Variants in MYO1E observed in about 807,000 individuals in gnomAD.
MYO1E encodes myosin IE.
Under a neutral mutation model 151.1 loss-of-function variants are expected in MYO1E, and 68 were observed. The observed-to-expected ratio is 0.45, with a 90% CI of 0.37 to 0.55. The LOEUF (loss-of-function observed/expected upper bound fraction) is 0.55. Ranked by LOEUF, MYO1E falls within the 20% of genes least tolerant of loss-of-function variation. The pLI, the probability that MYO1E is intolerant of heterozygous loss-of-function variation, is 0.00. For synonymous variants in MYO1E, 601 were observed against 501.7 expected (o/e 1.20, Z -2.64); for missense variants, 1,363 against 1,389.3 (o/e 0.98, Z 0.30).
At chr15:59,351,732 T>C (rs1266067318) in intron 1 of MYO1E, among the ~76,000 whole-genome samples, 5 of 100,444 alleles carry the variant, frequency 5.0e-5, no homozygotes, top group African/African-American at 1.2e-4. Flanking sequence ...GAAGATATAC[T>C]CACAGGACGT....
chr15:59,314,621 A>AT (rs1364134948), intron 1 of MYO1E, among the ~76,000 whole-genome samples: 2 of 151,514 alleles, frequency 1.3e-5, no homozygotes, highest in East Asian at 3.9e-4. Context: ...CAACCCAGTG[A>AT]TTTTCACTCC....
At chr15:59,241,152 C>T (rs1226703538) in intron 4 of MYO1E, among the ~76,000 whole-genome samples, 1 of 152,112 alleles carries the variant, frequency 6.6e-6, no homozygotes, top group African/African-American at 2.4e-5. Context: ...ATGTCAGGGG[C>T]TGGGATGAAG....
intron 18 of MYO1E, 64 bp from the exon 19 acceptor site, chr15:59,178,601 G>C: frequency 6.3e-7 from 1 of 1,579,134 alleles, no homozygotes; most frequent in Non-Finnish European, 8.6e-7. Flanking sequence ...TTCTACCCGG[G>C]CAAGGCAGCA....
chr15:59,158,407 C>A (rs2079520301), intron 24 of MYO1E, 28 bp from the exon 25 acceptor site: 5 of 1,523,208 alleles, frequency 3.3e-6, no homozygotes, highest in Non-Finnish European at 4.5e-6. Flanking sequence ...AAGTTAAAAC[C>A]AGTGCTACTG....
chr15:59,179,905 G>A lies in MYO1E; in HGVS notation c.1905-1368C>T, dbSNP rs1048311067. On this transcript the variant is annotated intron_variant, in intron 18 of 27. Coordinates refer to ENST00000288235, the MANE Select transcript of MYO1E (RefSeq NM_004998.4). ...TGAAGTTGGAGGGCGTGGCCCACGTGAGAGCACATCCAGGGCCCAGGCAAT... is the reference window on the plus strand; with the variant it reads ...TGAAGTTGGAGGGCGTGGCCCACGTAAGAGCACATCCAGGGCCCAGGCAAT... Among the ~76,000 whole-genome samples the A allele has an allele frequency of 1.1e-4, 17 of 152,366 alleles. No homozygotes were observed. The South Asian group carries it at 1.7e-3, about 15-fold the overall frequency.
chr15:59,181,925 A>G (rs1251465245), intron 18 of MYO1E, among the ~76,000 whole-genome samples: 1 of 152,214 alleles, frequency 6.6e-6, no homozygotes, highest in Non-Finnish European at 1.5e-5. Context: ...TAGAGAAAAT[A>G]AAGTTATGAG....
chr15:59,168,220 A>G (rs1389994946), intron 22 of MYO1E, among the ~76,000 whole-genome samples: 1 of 152,140 alleles, frequency 6.6e-6, no homozygotes, highest in Non-Finnish European at 1.5e-5. Flanking sequence ...TTAGAAAAAC[A>G]TTTTATTATG....
At chr15:59,289,389 G>A (rs2080406163) in intron 1 of MYO1E, among the ~76,000 whole-genome samples, 1 of 152,068 alleles carries the variant, frequency 6.6e-6, no homozygotes, top group Admixed American at 6.5e-5. Flanking sequence ...AGGAGACTGG[G>A]GTCCATCCAA....
chr15:59,136,623 T>C lies in MYO1E; in HGVS notation c.*757A>G. On this transcript the variant is annotated 3_prime_UTR_variant, in exon 28 of 28. Transcript: ENST00000288235. ...TCTCAAGATTTTTATATATACAGTA[T>C]ATGATCTGTTTTTATAAATGTACAG... The C allele has an allele frequency of 2.2e-6, 1 of 452,690 alleles. No homozygotes were observed. Among genetic ancestry groups the C allele is most frequent in the Non-Finnish European group, 4.5e-6 (1 of 224,598 alleles). The allele number at this position is 452,690 out of a possible 1,614,324, so 28.0% of individuals were successfully genotyped here.
chr15:59,140,759 A>T (rs932041902), intron 26 of MYO1E, among the ~76,000 whole-genome samples: 19 of 152,254 alleles, frequency 1.2e-4, no homozygotes, highest in Non-Finnish European at 2.1e-4. Context: ...GGGAACACTG[A>T]CTGCCAGCAG....
intron 1 of MYO1E, among the ~76,000 whole-genome samples, chr15:59,333,872 ACTT>A (rs1366693894): frequency 6.6e-6 from 1 of 152,258 alleles, no homozygotes; most frequent in Non-Finnish European, 1.5e-5. Flanking sequence ...GGAAAGAGCT[ACTT>A]CTTCCTCTGA....
At chr15:59,160,075 G>A (rs2140310026) in intron 24 of MYO1E, among the ~76,000 whole-genome samples, 1 of 152,178 alleles carries the variant, frequency 6.6e-6, no homozygotes. Context: ...ACCTCAGGTA[G>A]TCCGCCTGCC....
intron 1 of MYO1E, among the ~76,000 whole-genome samples, chr15:59,290,577 G>A (rs1450989142): frequency 2.6e-5 from 4 of 152,154 alleles, no homozygotes; most frequent in Admixed American, 6.5e-5. Context: ...CAGTAACAGC[G>A]GGCTTCTCAT....
chr15:59,163,375 C>A, intron 22 of MYO1E, 72 bp from the exon 23 acceptor site: 1 of 1,487,528 alleles, frequency 6.7e-7, no homozygotes, highest in Non-Finnish European at 9.1e-7. Context: ...TTTTTTTCTT[C>A]CATTTTAAAA....
rs1175733535 is a variant in MYO1E at position 59,261,445 on chromosome 15, T to C, written c.212A>G (p.Lys71Arg). The C allele has an allele frequency of 6.2e-7, 1 of 1,610,306 alleles. No homozygotes were observed. The highest frequency in any genetic ancestry group is 8.5e-7 in the Non-Finnish European group (1 of 1,176,772). The change falls in exon 3 of 28, where the codon AAG becomes AGG. Residue 71 changes from lysine to arginine, a missense_variant. By Grantham distance (26) the Lys-to-Arg change is conservative. Coordinates refer to ENST00000288235, the MANE Select transcript of MYO1E (RefSeq NM_004998.4). ...CGCTCCTTGGTACATTTCAATTTCC[T>C]TTTCCCCAAAATATGGCATCTGCTT... ...PFKQMPYFGEKEIEMYQGAAQ... is the reference protein window; with the variant it reads ...PFKQMPYFGEREIEMYQGAAQ...
Position 59,137,322 on chromosome 15 carries a change from C to T in MYO1E, c.*58G>A. 3 of 1,459,212 alleles carry T rather than the reference C, an allele frequency of 2.1e-6. No individual in the cohort carries two copies. The highest frequency in any genetic ancestry group is 2.9e-6 in the Non-Finnish European group (3 of 1,039,130). The allele number at this position is 1,459,212 out of a possible 1,614,324, so 90.4% of individuals were successfully genotyped here. On this transcript the variant is annotated 3_prime_UTR_variant, in exon 28 of 28. Coordinates refer to ENST00000288235, the MANE Select transcript of MYO1E (RefSeq NM_004998.4). ...ATTGTAAGGGGAGCCCCTAAATATC[C>T]CCTCCCCTGGTCTGTGCCTGGAGCT...
intron 26 of MYO1E, 27 bp from the exon 27 acceptor site, chr15:59,138,394 C>G: frequency 5.0e-6 from 8 of 1,613,114 alleles, no homozygotes; most frequent in Non-Finnish European, 6.8e-6. Flanking sequence ...GCAGATGAGA[C>G]TGGGCCCCAA....
intron 16 of MYO1E, among the ~76,000 whole-genome samples, chr15:59,197,041 G>A (rs1193621569): frequency 8.4e-6 from 1 of 118,932 alleles, no homozygotes; most frequent in African/African-American, 3.1e-5. Flanking sequence ...GGCCCAGGCT[G>A]GAGTGCAGTG....
chr15:59,233,158 C>T (rs2080038779), intron 5 of MYO1E, among the ~76,000 whole-genome samples: 1 of 152,062 alleles, frequency 6.6e-6, no homozygotes, highest in Non-Finnish European at 1.5e-5. Flanking sequence ...CTTAACAAAA[C>T]TCAGCTTCTC....
Sources: gnomAD v4.1 joint callset for allele counts (sites outside exome capture counted in the v4.1 genomes callset) on GRCh38, gnomAD v4.1.1 for gene constraint, MANE v1.5 for transcripts, NCBI Gene and HGNC (gene_info 2026-07-23, HGNC 2026-07-21) for gene names.